The following CAST variants were observed in gnomAD, a reference collection of about 807,000 sequenced individuals.
CAST encodes the protein calpastatin.
CAST carries 76 observed loss-of-function variants against 119.6 expected under a neutral mutation model. The observed-to-expected ratio is 0.64, with a 90% CI of 0.53 to 0.77. CAST has a LOEUF of 0.77. Ranked by LOEUF, CAST falls within the 30% of genes least tolerant of loss-of-function variation. The pLI is 0.00. For missense variants in CAST, 953 were observed against 946.5 expected, an observed-to-expected ratio of 1.01 and a Z score of -0.09; for synonymous variants, 319 against 331.6, an observed-to-expected ratio of 0.96 and a Z score of 0.41.
At chr5:96,377,188 T>A in the CAST span, among the ~76,000 whole-genome samples, 7 of 151,904 alleles carry the variant, frequency 4.6e-5, no homozygotes, top group Admixed American at 2.6e-4. Context: ...TTTAATTTTT[T>A]AAAAAATTAA....
the CAST span, among the ~76,000 whole-genome samples, chr5:96,029,766 T>C: frequency 6.6e-6 from 1 of 152,126 alleles, no homozygotes; most frequent in African/African-American, 2.4e-5. Context: ...ATTAAAATAC[T>C]TTATAATATT....
the CAST span, among the ~76,000 whole-genome samples, chr5:96,267,660 A>G: frequency 6.6e-6 from 1 of 152,342 alleles, no homozygotes; most frequent in Non-Finnish European, 1.5e-5. Context: ...GACCTGTCTT[A>G]TAAGAAATGC....
the CAST span, among the ~76,000 whole-genome samples, chr5:96,050,427 A>C: frequency 6.6e-6 from 1 of 152,052 alleles, no homozygotes; most frequent in African/African-American, 2.4e-5. Flanking sequence ...GCCAGAAACC[A>C]GAAAAGGGGG....
At chr5:96,335,207 A>G in the CAST span, among the ~76,000 whole-genome samples, 1 of 152,048 alleles carries the variant, frequency 6.6e-6, no homozygotes, top group East Asian at 1.9e-4. Context: ...CTCTTCTTCT[A>G]TTTCATCCAA....
intron 1 of CAST, among the ~76,000 whole-genome samples, chr5:96,544,692 A>G (rs542099521): frequency 6.6e-6 from 1 of 152,212 alleles, no homozygotes; most frequent in South Asian, 2.1e-4. Flanking sequence ...AAAAGATAAA[A>G]GGAGATTTAG....
chr5:96,420,064 G>T, the CAST span, among the ~76,000 whole-genome samples: 1 of 152,132 alleles, frequency 6.6e-6, no homozygotes, highest in African/African-American at 2.4e-5. Flanking sequence ...CAGATTTCCC[G>T]TAGTCTTAAC....
At chr5:96,412,752 G>GTGTT in the CAST span, among the ~76,000 whole-genome samples, 1 of 71,832 alleles carries the variant, frequency 1.4e-5, no homozygotes, top group Admixed American at 1.7e-4. Flanking sequence ...CAGCTGTGAT[G>GTGTT]TTTTTTTTTT....
chr5:96,355,527 C>A, the CAST span, among the ~76,000 whole-genome samples: 193 of 152,210 alleles, frequency 1.3e-3, no homozygotes, highest in Non-Finnish European at 2.4e-3. Flanking sequence ...GATTTATAAT[C>A]CTTTGGGTAT....
At chr5:96,023,789 A>G in the CAST span, among the ~76,000 whole-genome samples, 1 of 152,048 alleles carries the variant, frequency 6.6e-6, no homozygotes, top group Non-Finnish European at 1.5e-5. Context: ...AAATAAGAGG[A>G]GTAGGAATTA....
the CAST span, among the ~76,000 whole-genome samples, chr5:96,035,591 G>C: frequency 6.6e-6 from 1 of 151,922 alleles, no homozygotes; most frequent in African/African-American, 2.4e-5. Flanking sequence ...TCTCTGGAAG[G>C]TGTAATATGG....
At chr5:96,206,999 T>TTTC in the CAST span, among the ~76,000 whole-genome samples, 1 of 151,896 alleles carries the variant, frequency 6.6e-6, no homozygotes. Context: ...GTTTTGTAGT[T>TTTC]CTTGTAGAGA....
the CAST span, among the ~76,000 whole-genome samples, chr5:96,378,594 G>A: frequency 6.6e-6 from 1 of 152,040 alleles, no homozygotes; most frequent in East Asian, 1.9e-4. Flanking sequence ...TTATCCCATT[G>A]TGTGAATAGA....
chr5:96,408,150 AGAAAAAAAAGTGTTATTAAAAAT>A, the CAST span: 1 of 1,081,256 alleles, frequency 9.2e-7, no homozygotes, highest in Non-Finnish European at 1.4e-6. Context: ...CCATGTATTC[AGAAAAAAAAGTGTTATTAAAAAT>A]AAGGAGAATC....
chr5:96,657,904 C>G (rs1748186054), upstream of CAST, among the ~76,000 whole-genome samples: 1 of 152,154 alleles, frequency 6.6e-6, no homozygotes, highest in South Asian at 2.1e-4. Context: ...CGAGACCAGC[C>G]TGGCCAACAT....
At chr5:96,207,321 A>G in the CAST span, among the ~76,000 whole-genome samples, 6,433 of 152,084 alleles carry the variant, frequency 0.042, 491 homozygotes, top group African/African-American at 0.15. Flanking sequence ...AACTCTGGCT[A>G]GGATTTCCTG....
chr5:96,615,800 G>A (rs1415773967), intron 1 of CAST, among the ~76,000 whole-genome samples: 1 of 152,118 alleles, frequency 6.6e-6, no homozygotes, highest in Non-Finnish European at 1.5e-5. Flanking sequence ...TCTGGTATTA[G>A]GGTTCTCTTG....
the CAST span, among the ~76,000 whole-genome samples, chr5:96,057,886 A>G: frequency 1.3e-4 from 20 of 152,162 alleles, no homozygotes; most frequent in Admixed American, 9.8e-4. Flanking sequence ...TTGTGGCAAG[A>G]GCATTTAAAT....
At chr5:96,494,053 C>CTAAA in the CAST span, among the ~76,000 whole-genome samples, 1 of 151,974 alleles carries the variant, frequency 6.6e-6, no homozygotes, top group African/African-American at 2.4e-5. Context: ...AACTAACTAA[C>CTAAA]TAAATAAATA....
chr5:96,416,674 T>G, the CAST span, among the ~76,000 whole-genome samples: 2 of 152,142 alleles, frequency 1.3e-5, no homozygotes, highest in African/African-American at 4.8e-5. Context: ...CACTAAAATG[T>G]CTGAAGATTA....
Sources: gnomAD v4.1 joint callset for allele counts (sites outside exome capture counted in the v4.1 genomes callset) on GRCh38, gnomAD v4.1.1 for gene constraint, MANE v1.5 for transcripts, NCBI Gene and HGNC (gene_info 2026-07-23, HGNC 2026-07-21) for gene names.